The following CFAP54 variants were observed in gnomAD, a reference collection of about 807,000 sequenced individuals.
CFAP54 encodes cilia and flagella associated protein 54.
In CFAP54, 290 loss-of-function variants were observed where a neutral mutation model predicts 370.4. The observed-to-expected ratio is 0.78, with a 90% CI of 0.71 to 0.86. The LOEUF is 0.86. Among genes scored for constraint, CFAP54 ranks in the 40% least tolerant of loss-of-function variants. The pLI is 0.00. For synonymous variants in CFAP54, 1,206 were observed against 1,236.5 expected, an observed-to-expected ratio of 0.98 and a Z score of 0.52; for missense variants, 3,399 against 3,528.7, an observed-to-expected ratio of 0.96 and a Z score of 0.93.
chr12:96,529,677 T>C (rs1955420016), intron 9 of CFAP54, among the ~76,000 whole-genome samples: 1 of 152,214 alleles, frequency 6.6e-6, no homozygotes, highest in Non-Finnish European at 1.5e-5. Flanking sequence ...TTTTAACCTT[T>C]TGTCCTTTTT....
intron 45 of CFAP54, among the ~76,000 whole-genome samples, chr12:96,695,114 A>G (rs968905101): frequency 2.6e-5 from 4 of 152,192 alleles, no homozygotes; most frequent in Admixed American, 1.3e-4. Flanking sequence ...TACTCCCACT[A>G]TGTCTGACTT....
intron 9 of CFAP54, among the ~76,000 whole-genome samples, chr12:96,528,850 T>C (rs898124092): frequency 1.4e-4 from 22 of 152,310 alleles, no homozygotes; most frequent in African/African-American, 4.1e-4. Context: ...AAAAAACTTA[T>C]TGACTTGGAA....
At chr12:96,665,151 A>G (rs186735870) in intron 39 of CFAP54, among the ~76,000 whole-genome samples, 205 of 150,462 alleles carry the variant, frequency 1.4e-3, no homozygotes, top group African/African-American at 4.9e-3. Flanking sequence ...TCTTTTGCCC[A>G]CTGTTTAATG....
At chr12:96,695,511 T>G (rs1003806006) in intron 45 of CFAP54, among the ~76,000 whole-genome samples, 1 of 152,254 alleles carries the variant, frequency 6.6e-6, no homozygotes, top group South Asian at 2.1e-4. Flanking sequence ...TGAACTCTTA[T>G]GAGTTCTCTT....
At position 96,490,027 on chromosome 12, in the gene CFAP54, G is replaced by A. The variant is rs868158788; in HGVS notation, c.317+101G>A. 84 of 1,144,698 alleles carry A rather than the reference G, an allele frequency of 7.3e-5. No individual in the cohort carries two copies. In the Middle Eastern group the frequency reaches 4.8e-3, roughly 66 times the overall value. The allele number at this position is 1,144,698 out of a possible 1,614,324, so 70.9% of individuals were successfully genotyped here. A position where few individuals can be genotyped will look rare whatever the true frequency, so the allele number is the denominator to read the frequency against. ...GTGGCCCCAGAGATGGTTCAGCGTTGCGGACGCAGGGGCTGGCTGAAGGGC... is the reference window on the plus strand; with the variant it reads ...GTGGCCCCAGAGATGGTTCAGCGTTACGGACGCAGGGGCTGGCTGAAGGGC... On this transcript the variant is annotated intron_variant, in intron 1 of 67. Transcript: ENST00000524981.
At chr12:96,690,306 C>A (rs1957375426) in intron 43 of CFAP54, among the ~76,000 whole-genome samples, 1 of 152,118 alleles carries the variant, frequency 6.6e-6, no homozygotes, top group Non-Finnish European at 1.5e-5. Context: ...AATAGGATAT[C>A]TCATGACCTT....
Position 96,691,180 on chromosome 12 carries a change from A to T in CFAP54, c.6134A>T (p.Gln2045Leu). The change falls in exon 44 of 68, where the codon CAA becomes CTA. Residue 2045 changes from glutamine to leucine, a missense_variant. Coordinates refer to ENST00000524981, the MANE Select transcript of CFAP54 (RefSeq NM_001306084.2). ...CCCAAAGCTGAACGTTGCTATGCTC[A>T]ATATGAAATCACTCAGCTTCTCCCA... ...PHPKAERCYA[Q>L]YEITQLLPGI... 1 of 1,613,696 alleles carries T rather than the reference A, an allele frequency of 6.2e-7. No individual in the cohort carries two copies. The highest frequency in any genetic ancestry group is 8.5e-7 in the Non-Finnish European group (1 of 1,179,778).
chr12:96,641,938 C>CG (rs943538650), intron 32 of CFAP54, among the ~76,000 whole-genome samples: 104 of 137,824 alleles, frequency 7.5e-4, no homozygotes, highest in African/African-American at 2.5e-3. Flanking sequence ...TGGGGTGGTG[C>CG]GGGGGGGGAG....
At chr12:96,716,815 G>A (rs1325733516) in intron 48 of CFAP54, among the ~76,000 whole-genome samples, 1 of 152,214 alleles carries the variant, frequency 6.6e-6, no homozygotes, top group Admixed American at 6.5e-5. Context: ...TAACTGCAAA[G>A]AGGCCAGGAA....
At chr12:96,664,741 A>G (rs1231888960) in intron 39 of CFAP54, among the ~76,000 whole-genome samples, 1 of 19,902 alleles carries the variant, frequency 5.0e-5, no homozygotes, top group Non-Finnish European at 1.0e-4. Flanking sequence ...ATATATATCT[A>G]TATATATATA....
chr12:96,579,804 T>C (rs1205665929), intron 20 of CFAP54, among the ~76,000 whole-genome samples: 1 of 152,164 alleles, frequency 6.6e-6, no homozygotes, highest in Non-Finnish European at 1.5e-5. Flanking sequence ...ATTGTCTAAC[T>C]ATTTAATCAA....
At chr12:96,874,612 C>CTTTTTTTG (rs1960248598) in intron 67 of CFAP54, among the ~76,000 whole-genome samples, 1 of 40,058 alleles carries the variant, frequency 2.5e-5, no homozygotes, top group African/African-American at 9.6e-5. Flanking sequence ...GGGATCTCTG[C>CTTTTTTTG]TTTTTTTTAT....
chr12:96,599,890 A>G (rs1350021277), intron 26 of CFAP54, among the ~76,000 whole-genome samples: 1 of 152,134 alleles, frequency 6.6e-6, no homozygotes, highest in African/African-American at 2.4e-5. Context: ...AGTTCTTTGT[A>G]GATTCTAGAT....
chr12:96,582,636 A>C (rs1247777722), intron 22 of CFAP54, among the ~76,000 whole-genome samples: 1 of 152,168 alleles, frequency 6.6e-6, no homozygotes, highest in African/African-American at 2.4e-5. Context: ...TGAATATTTC[A>C]TCAAGGCCTA....
intron 14 of CFAP54, among the ~76,000 whole-genome samples, chr12:96,542,316 C>A (rs568385212): frequency 1.7e-4 from 26 of 152,208 alleles, no homozygotes; most frequent in African/African-American, 6.3e-4. Context: ...CTAGCCTGGA[C>A]CTTTTTAGTC....
At chr12:96,699,784 G>A (rs1445877945) in intron 45 of CFAP54, among the ~76,000 whole-genome samples, 187 bp from the exon 46 acceptor site, 1 of 152,136 alleles carries the variant, frequency 6.6e-6, no homozygotes, top group Non-Finnish European at 1.5e-5. Context: ...TTGCACATGT[G>A]TATGGGCATA....
chr12:96,789,876 A>G (rs1310307796), intron 62 of CFAP54, among the ~76,000 whole-genome samples: 1 of 152,210 alleles, frequency 6.6e-6, no homozygotes, highest in African/African-American at 2.4e-5. Context: ...GCTAATGAGC[A>G]TAAAGCCTTT....
chr12:96,831,779 T>G (rs1439295625), intron 66 of CFAP54, among the ~76,000 whole-genome samples: 1 of 152,242 alleles, frequency 6.6e-6, no homozygotes, highest in African/African-American at 2.4e-5. Context: ...TCACTGGTTC[T>G]TGAGTTGAAT....
intron 63 of CFAP54, among the ~76,000 whole-genome samples, chr12:96,811,005 C>A (rs1481414172): frequency 6.6e-6 from 1 of 152,120 alleles, no homozygotes; most frequent in Non-Finnish European, 1.5e-5. Context: ...GTTTCTAAGG[C>A]CTTCTAACGT....
Sources: allele counts gnomAD v4.1 joint callset (sites outside exome capture counted in the v4.1 genomes callset), GRCh38; gene constraint gnomAD v4.1.1; transcripts MANE v1.5; gene names NCBI Gene and HGNC (gene_info 2026-07-23, HGNC 2026-07-21).